Variants in ULK4 observed in about 807,000 individuals in gnomAD.
The protein encoded by ULK4 is unc-51 like kinase 4.
ULK4 carries 133 observed loss-of-function variants against 160.6 expected under a neutral mutation model. The ratio of observed to expected loss-of-function variants is 0.83; its 90% CI spans 0.72 to 0.96. ULK4 has a LOEUF of 0.96. Ranked by LOEUF, ULK4 falls within the 40% of genes least tolerant of loss-of-function variation. The pLI is 0.00. For missense variants in ULK4, 1,580 were observed against 1,499.5 expected (o/e 1.05, Z -0.89); for synonymous variants, 534 against 539.8 (o/e 0.99, Z 0.15).
chr3:41,615,671 G>A lies in ULK4; in HGVS notation c.3118C>T (p.Leu1040=), dbSNP rs1233115738. 3.1e-6 allele frequency: 5 copies of A among 1,612,752 alleles called. No individual in the cohort carries two copies. The highest frequency in any genetic ancestry group is 1.3e-5 in the African/African-American group (1 of 75,016). The change falls in exon 31 of 37, where the codon CTG becomes TTG. Residue 1040 remains leucine (L), a splice_region_variant and synonymous_variant. Transcript: ENST00000301831. ...KLIPLIFEVT[L]EHQESILGNT... The stretch of plus-strand genomic sequence containing the variant: ...CAAATGCACATTTCCGTTCTTACCA[G>A]AGTTACTTCAAAAATGAGTGGGATC...
intron 34 of ULK4, among the ~76,000 whole-genome samples, chr3:41,448,235 G>A (rs919920014): frequency 1.1e-4 from 16 of 152,170 alleles, no homozygotes; most frequent in Middle Eastern, 3.4e-3. Flanking sequence ...AGGAGGCTGG[G>A]GATGCTATGG....
chr3:41,594,610 G>C (rs2125650891), intron 31 of ULK4, among the ~76,000 whole-genome samples: 1 of 152,332 alleles, frequency 6.6e-6, no homozygotes. Flanking sequence ...TGAATGGTAT[G>C]AGATGGGGTG....
intron 17 of ULK4, among the ~76,000 whole-genome samples, chr3:41,845,282 T>C (rs1439907091): frequency 1.3e-5 from 2 of 152,164 alleles, no homozygotes; most frequent in African/African-American, 4.8e-5. Flanking sequence ...TATCTTTCAA[T>C]GGGTAAGTGG....
chr3:41,384,150 G>A (rs2081741616), intron 35 of ULK4, among the ~76,000 whole-genome samples: 1 of 152,072 alleles, frequency 6.6e-6, no homozygotes, highest in East Asian at 1.9e-4. Context: ...ACTAAAAATG[G>A]AGATGACTGA....
intron 21 of ULK4, among the ~76,000 whole-genome samples, chr3:41,763,128 A>G (rs2039045083): frequency 6.6e-6 from 1 of 152,204 alleles, no homozygotes; most frequent in African/African-American, 2.4e-5. Context: ...GGGGACACAG[A>G]GCCAAATCCT....
intron 30 of ULK4, among the ~76,000 whole-genome samples, chr3:41,655,229 G>A (rs751364053): frequency 7.2e-4 from 110 of 151,896 alleles, no homozygotes; most frequent in Non-Finnish European, 2.5e-4. Flanking sequence ...CCTTTGCAGG[G>A]ACATAGATGA....
chr3:41,839,964 G>A (rs900435429), intron 17 of ULK4, among the ~76,000 whole-genome samples: 1 of 152,164 alleles, frequency 6.6e-6, no homozygotes, highest in East Asian at 1.9e-4. Flanking sequence ...TATGTTCATA[G>A]ATAGGAAGAC....
intron 21 of ULK4, among the ~76,000 whole-genome samples, chr3:41,762,099 C>T (rs1382591583): frequency 6.6e-6 from 1 of 151,970 alleles, no homozygotes; most frequent in African/African-American, 2.4e-5. Context: ...AACAAACAAA[C>T]AAAACTAGAA....
At chr3:41,713,656 C>T (rs968911633) in intron 25 of ULK4, among the ~76,000 whole-genome samples, 7 of 152,148 alleles carry the variant, frequency 4.6e-5, no homozygotes, top group Non-Finnish European at 8.8e-5. Context: ...ATGATCTCTA[C>T]ACCAGCCAAG....
chr3:41,335,936 A>G (rs2080545714), intron 35 of ULK4, among the ~76,000 whole-genome samples: 1 of 152,240 alleles, frequency 6.6e-6, no homozygotes, highest in Admixed American at 6.5e-5. Flanking sequence ...AAAACAGGTT[A>G]AACACAGGAA....
At position 41,642,702 on chromosome 3, in the gene ULK4, C is replaced by T. The variant is rs553920530; in HGVS notation, c.3071+20905G>A. On this transcript the variant is annotated intron_variant, in intron 30 of 36. Coordinates refer to ENST00000301831, the MANE Select transcript of ULK4 (RefSeq NM_017886.4). The stretch of plus-strand genomic sequence containing the variant: ...TGATTTATAGTCCTTTGGGTATATA[C>T]CCAGTAATGGGATGGCTGGGTCAAA... Among the ~76,000 whole-genome samples the T allele has an allele frequency of 2.0e-5, 3 of 152,270 alleles. No individual in the cohort carries two copies. In the South Asian group the frequency reaches 6.2e-4, roughly 32 times the overall value.
At chr3:41,605,311 T>C (rs4973977) in intron 31 of ULK4, among the ~76,000 whole-genome samples, 31,387 of 151,734 alleles carry the variant, frequency 0.21, 4,062 homozygotes, top group Non-Finnish European at 0.28. Flanking sequence ...AAAAGACTAA[T>C]ATTATTAGAT....
chr3:41,819,531 G>A, intron 18 of ULK4, 25 bp from the exon 19 acceptor site: 1 of 1,599,028 alleles, frequency 6.3e-7, no homozygotes, highest in Non-Finnish European at 8.5e-7. Context: ...GAAAAAAAAA[G>A]GCAGTGAAGC....
At chr3:41,900,470 G>C (rs976682754) in intron 13 of ULK4, among the ~76,000 whole-genome samples, 1 of 152,172 alleles carries the variant, frequency 6.6e-6, no homozygotes, top group African/African-American at 2.4e-5. Context: ...AAGCAGTAGT[G>C]AGAGGCAGCA....
At chr3:41,298,628 C>T (rs552823582) in intron 35 of ULK4, among the ~76,000 whole-genome samples, 1 of 152,336 alleles carries the variant, frequency 6.6e-6, no homozygotes, top group African/African-American at 2.4e-5. Flanking sequence ...CAACCACACT[C>T]TCCAAACTGT....
At chr3:41,607,991 C>T (rs2032466718) in intron 31 of ULK4, among the ~76,000 whole-genome samples, 1 of 152,196 alleles carries the variant, frequency 6.6e-6, no homozygotes, top group Non-Finnish European at 1.5e-5. Context: ...GAGACCACCA[C>T]ATGCTATGTT....
At chr3:41,441,647 C>G (rs191641425) in intron 34 of ULK4, among the ~76,000 whole-genome samples, 4 of 152,048 alleles carry the variant, frequency 2.6e-5, no homozygotes, top group African/African-American at 7.2e-5. Context: ...GTTCAGTGTG[C>G]GCTTCCAATA....
chr3:41,417,920 G>C (rs1363558750), intron 34 of ULK4, among the ~76,000 whole-genome samples: 4 of 152,156 alleles, frequency 2.6e-5, no homozygotes, highest in African/African-American at 9.7e-5. Context: ...AGATCACTCT[G>C]ACCTTCGTGC....
At chr3:41,831,626 T>C (rs1021305828) in intron 18 of ULK4, among the ~76,000 whole-genome samples, 2 of 151,902 alleles carry the variant, frequency 1.3e-5, no homozygotes, top group African/African-American at 2.4e-5. Context: ...TGGTTTGTTG[T>C]ACCTATCAAC....
Sources: gnomAD v4.1 joint callset for allele counts (sites outside exome capture counted in the v4.1 genomes callset) on GRCh38, gnomAD v4.1.1 for gene constraint, MANE v1.5 for transcripts, NCBI Gene and HGNC (gene_info 2026-07-23, HGNC 2026-07-21) for gene names.